Variants in ABCA7 observed in about 807,000 individuals in gnomAD.
The protein encoded by ABCA7 is ATP binding cassette subfamily A member 7, also known as phospholipid-transporting ATPase ABCA7.
A neutral mutation model predicts 227.6 loss-of-function variants in ABCA7; 261 were observed. The observed-to-expected ratio is 1.15, with a 90% CI of 1.04 to 1.27. ABCA7 has a LOEUF of 1.27. ABCA7 is among the 50% of genes most tolerant of loss of function. The probability of loss-of-function intolerance (pLI) is 0.00; values close to 1 mark genes in which losing one functional copy is unlikely to be tolerated. For missense variants in ABCA7, 3,331 were observed against 2,924.5 expected (o/e 1.14, Z -3.21); for synonymous variants, 1,488 against 1,279.7 (o/e 1.16, Z -3.47).
chr19:1,058,781 C>G, intron 38 of ABCA7, 34 bp downstream of exon 38: 1 of 1,603,026 alleles, frequency 6.2e-7, no homozygotes. Context: ...TGGCAGGGGC[C>G]AAGGACCTAC....
chr19:1,050,310 G>A (rs2041438390), intron 18 of ABCA7, among the ~76,000 whole-genome samples: 1 of 151,996 alleles, frequency 6.6e-6, no homozygotes, highest in South Asian at 2.1e-4. Context: ...TACTCAGGAG[G>A]CTGAGGCAGG....
At position 1,056,399 on chromosome 19, in the gene ABCA7, C is replaced by T. The variant is rs746522575; in HGVS notation, c.4486C>T (p.Arg1496Cys). Residue 1496 changes from arginine (R) to cysteine (C), a missense_variant, in exon 33 of 47, where the codon CGT (arginine) becomes TGT (cysteine). Coordinates refer to ENST00000263094, the MANE Select transcript of ABCA7 (RefSeq NM_019112.4). This position sits in a 1 kb window ranked among gnomAD's most constrained non-coding sequence, Gnocchi z 4.3. ...FVNRASNAIL[R>C]AHLPPGPARH... Reference sequence around the variant, plus strand: ...CAACCGAGCCAGCAACGCAATCCTCCGTGCTCACCTGCCCCCAGGCCCGGC... The same window carrying T: ...CAACCGAGCCAGCAACGCAATCCTCTGTGCTCACCTGCCCCCAGGCCCGGC... 54 of 1,613,410 alleles carry T rather than the reference C, an allele frequency of 3.3e-5. No individual in the cohort carries two copies. The highest frequency in any genetic ancestry group is 1.1e-4 in the East Asian group (5 of 44,896).
rs573851192 is a variant in ABCA7 at position 1,046,726 on chromosome 19, C to G, written c.1623-76C>G. The G allele has an allele frequency of 5.5e-5, 77 of 1,410,102 alleles. No homozygotes were observed. The South Asian group carries it at 9.5e-4, about 17-fold the overall frequency. 87.3% of individuals were successfully genotyped at this position (1,410,102 alleles called of 1,614,324 possible). ...CGCCTTGAGATCCCGGGACACGAAC[C>G]AGTCGTGCCAGATGGTGGGCGGAGG... On this transcript the variant is annotated intron_variant, in intron 13 of 46. Coordinates refer to ENST00000263094, the MANE Select transcript of ABCA7 (RefSeq NM_019112.4).
chr19:1,065,207 G>A (rs753007884), intron 46 of ABCA7, 36 bp downstream of exon 46: 3 of 1,598,518 alleles, frequency 1.9e-6, no homozygotes, highest in Non-Finnish European at 1.7e-6. Context: ...GGGGGAGGCA[G>A]GCTGGGGGCC....
At position 1,048,950 on chromosome 19, in the gene ABCA7, C is replaced by A. The variant is rs771423478; in HGVS notation, c.2325C>A (p.Cys775Ter). The A allele has an allele frequency of 6.8e-6, 11 of 1,609,394 alleles. No individual in the cohort carries two copies. Among genetic ancestry groups the A allele is most frequent in the Non-Finnish European group, 9.3e-6 (11 of 1,178,402 alleles). The change falls in exon 17 of 47, where the codon TGC (cysteine) becomes TGA (stop). Residue 775 changes from cysteine (C) to a stop codon, truncating the protein, a stop_gained. Coordinates refer to ENST00000263094, the MANE Select transcript of ABCA7 (RefSeq NM_019112.4). LOFTEE classifies it high-confidence loss of function. ...WNFPFRRSYW[C>*]GPRPPKSPAP... ...TTCCTTTTCGGAGGAGCTACTGGTG[C>A]GGACCTCGGCCCCCCAAGAGTCCAG...
In ABCA7 at chr19:1,045,070, G is replaced by A. The variant is rs2040479254; in HGVS notation, c.1284G>A (p.Leu428=). Residue 428 remains leucine (L), a synonymous_variant, in exon 12 of 47, where the codon CTG becomes CTA. Transcript: ENST00000263094. ...CCCTGGTGTCGCGGGCCCTGCAACT[G>A]CTCGCGGAACATCGATTCTGGGCCG... ...EAALVSRALQ[L]LAEHRFWAGV... 6.2e-7 allele frequency: 1 copy of A among 1,612,836 alleles called. No individual in the cohort carries two copies. The highest frequency in any genetic ancestry group is 8.5e-7 in the Non-Finnish European group (1 of 1,180,004).
chr19:1,045,076 G>T lies in ABCA7; in HGVS notation c.1290G>T (p.Ala430=). The part of the protein sequence containing the change: ...ALVSRALQLL[A]EHRFWAGVVF... Reference sequence around the variant, plus strand: ...TGTCGCGGGCCCTGCAACTGCTCGCGGAACATCGATTCTGGGCCGGCGTCG... The same window carrying T: ...TGTCGCGGGCCCTGCAACTGCTCGCTGAACATCGATTCTGGGCCGGCGTCG... Residue 430 remains alanine (A), a synonymous_variant, in exon 12 of 47, where the codon GCG becomes GCT. Coordinates refer to ENST00000263094, the MANE Select transcript of ABCA7 (RefSeq NM_019112.4). 6.2e-7 allele frequency: 1 copy of T among 1,612,938 alleles called. No individual in the cohort carries two copies. Among genetic ancestry groups the T allele is most frequent in the Non-Finnish European group, 8.5e-7 (1 of 1,179,984 alleles).
chr19:1,060,207 A>ATATATATATTTTTTTTTTTTTTT, intron 40 of ABCA7, among the ~76,000 whole-genome samples: 1 of 96,770 alleles, frequency 1.0e-5, no homozygotes, highest in African/African-American at 3.5e-5. Flanking sequence ...ATATATATAT[A>ATATATATATTTTTTTTTTTTTTT]TTTTTTTTTC....
chr19:1,046,376 A>C lies in ABCA7; in HGVS notation c.1592A>C (p.Gln531Pro), dbSNP rs909628375. Residue 531 changes from glutamine to proline, a missense_variant, in exon 13 of 47, where the codon CAG becomes CCG. Coordinates refer to ENST00000263094, the MANE Select transcript of ABCA7 (RefSeq NM_019112.4). ...ANPRAGLYLQ[Q>P]MPYPCYVDDV... ...CCCCGGGCCGGCCTCTACCTGCAGC[A>C]GATGCCCTATCCGTGCTATGTGGAC... 5 of 1,587,208 alleles carry C rather than the reference A, an allele frequency of 3.2e-6. No individual in the cohort carries two copies. In the African/African-American group the frequency reaches 6.7e-5, roughly 21 times the overall value.
chr19:1,045,771 C>T (rs1277753372), intron 12 of ABCA7, among the ~76,000 whole-genome samples: 4 of 149,752 alleles, frequency 2.7e-5, no homozygotes, highest in African/African-American at 9.8e-5. Context: ...GAGGCTGAGG[C>T]GGGCGGATCA....
intron 21 of ABCA7, 91 bp downstream of exon 21, chr19:1,051,677 G>T: frequency 1.5e-6 from 2 of 1,309,668 alleles, no homozygotes; most frequent in Non-Finnish European, 2.1e-6. Flanking sequence ...GTAGGAGTTT[G>T]CTACATGTGG....
Position 1,063,640 on chromosome 19 carries a change from G to A in ABCA7, c.5809G>A (p.Ala1937Thr). Residue 1937 changes from alanine (A) to threonine (T), a missense_variant, in exon 43 of 47, where the codon GCC (alanine) becomes ACC (threonine). Coordinates refer to ENST00000263094, the MANE Select transcript of ABCA7 (RefSeq NM_019112.4). ...AGGGAACAAACGCAAGCTGGCGACG[G>A]CCCTGGCGCTGGTTGGGGACCCAGC... ...SGGNKRKLAT[A>T]LALVGDPAVV... The A allele has an allele frequency of 6.2e-7, 1 of 1,610,656 alleles. No homozygotes were observed. The highest frequency in any genetic ancestry group is 1.1e-5 in the South Asian group (1 of 90,934).
rs1299792670 is a variant in ABCA7, at chr19:1,047,148, C to T, written c.1846-9C>T. On this transcript the variant is annotated splice_polypyrimidine_tract_variant and intron_variant, in intron 14 of 46. Coordinates refer to ENST00000263094, the MANE Select transcript of ABCA7 (RefSeq NM_019112.4). The stretch of plus-strand genomic sequence containing the variant: ...GAGCTGCACCCTAAGCTCCCGTTGC[C>T]TCTCACAGCTGGGAGACATCCTCCC... The T allele has an allele frequency of 6.3e-7, 1 of 1,597,324 alleles. No homozygotes were observed. The highest frequency in any genetic ancestry group is 2.3e-5 in the East Asian group (1 of 43,484).
In ABCA7 at chr19:1,054,865, C is replaced by G; in HGVS notation, c.3937C>G (p.His1313Asp). 6.4e-7 allele frequency: 1 copy of G among 1,559,846 alleles called. No homozygotes were observed. Among genetic ancestry groups the G allele is most frequent in the Non-Finnish European group, 8.7e-7 (1 of 1,152,500 alleles). The change falls in exon 29 of 47, where the codon CAT becomes GAT. Residue 1313 changes from histidine (H) to aspartate (D), a missense_variant. By Grantham distance (81) the His-to-Asp change is moderately conservative. Transcript: ENST00000263094. The surrounding 1 kb of genome is among the most constrained non-coding windows in gnomAD (Gnocchi z 4.8). Reference sequence around the variant, plus strand: ...AGGACTGGAGGAGCCCCCAGTGCAGCATAGCTCCCACAGGTGAGGCGTCTT... The same window carrying G: ...AGGACTGGAGGAGCCCCCAGTGCAGGATAGCTCCCACAGGTGAGGCGTCTT... Reference protein sequence around the residue: ...EAGLEEPPVQHSSHRFSAPEV... With the variant: ...EAGLEEPPVQDSSHRFSAPEV...
chr19:1,060,209 T>TATATATATATATATATATATATATA (rs3971800), intron 40 of ABCA7, among the ~76,000 whole-genome samples: 3 of 33,848 alleles, frequency 8.9e-5, no homozygotes, highest in African/African-American at 3.8e-4. Flanking sequence ...ATATATATAT[T>TATATATATATATATATATATATATA]TTTTTTTCTT....
At chr19:1,053,122 G>C (rs1016124470) in intron 23 of ABCA7, among the ~76,000 whole-genome samples, 1 of 152,208 alleles carries the variant, frequency 6.6e-6, no homozygotes, top group Non-Finnish European at 1.5e-5. Flanking sequence ...TCAAACTCCT[G>C]ACCTCAGGTG....
At chr19:1,052,370 AGAG>A (rs1568339808) in intron 23 of ABCA7, 84 bp downstream of exon 23, 110 of 526,746 alleles carry the variant, frequency 2.1e-4, no homozygotes, top group Admixed American at 3.0e-4. Flanking sequence ...GGGAGGGGGA[AGAG>A]GAGGAGGAGG....
At chr19:1,055,790 C>T (rs1252588848) in intron 30 of ABCA7, 117 bp from the exon 31 acceptor site, 17 of 1,115,380 alleles carry the variant, frequency 1.5e-5, no homozygotes, top group Non-Finnish European at 2.1e-5. Flanking sequence ...GCAGGAGCCA[C>T]CGCGCCCGGC....
In ABCA7 at chr19:1,054,653, G is replaced by T. The variant is rs202174458; in HGVS notation, c.3810G>T (p.Arg1270=). Residue 1270 remains arginine (R), a synonymous_variant, in exon 28 of 47, where the codon CGG becomes CGT. Coordinates refer to ENST00000263094, the MANE Select transcript of ABCA7 (RefSeq NM_019112.4). The surrounding 1 kb of genome is among the most constrained non-coding windows in gnomAD (Gnocchi z 4.8). ...VPPFGHYPAL[R]LSPTMYGAQV... The stretch of plus-strand genomic sequence containing the variant: ...CTTTCGGGCACTACCCGGCTCTGCG[G>T]CTCAGTCCCACCATGTACGGTGCTC... The T allele has an allele frequency of 1.1e-4, 174 of 1,613,282 alleles. 1 individual carries two copies. The highest frequency in any genetic ancestry group is 1.6e-4 in the Middle Eastern group (1 of 6,078).
Sources: gnomAD v4.1 joint callset for allele counts (sites outside exome capture counted in the v4.1 genomes callset) on GRCh38, gnomAD v4.1.1 for gene constraint, Gnocchi (gnomAD v3.1) non-coding constraint, MANE v1.5 for transcripts, NCBI Gene and HGNC (gene_info 2026-07-23, HGNC 2026-07-21) for gene names.